BPIFB4: variants seen among roughly 807,000 people sequenced by gnomAD.
BPIFB4 encodes BPI fold-containing family B member 4.
BPIFB4 carries 62 observed loss-of-function variants against 69.2 expected under a neutral mutation model. That is an observed-to-expected ratio of 0.90 (90% CI 0.73 to 1.11). The LOEUF (loss-of-function observed/expected upper bound fraction) is 1.11, where lower values mean the gene tolerates loss of function less well. Among genes scored for constraint, BPIFB4 ranks in the 50% least tolerant of loss-of-function variants. The pLI, the probability that BPIFB4 is intolerant of heterozygous loss-of-function variation, is 0.00. For synonymous variants in BPIFB4, 330 were observed against 332.7 expected (o/e 0.99, Z 0.09); for missense variants, 789 against 792.0 (o/e 1.00, Z 0.04).
intron 9 of BPIFB4, 97 bp downstream of exon 9, chr20:33,089,655 C>T: frequency 6.3e-7 from 1 of 1,588,794 alleles, no homozygotes; most frequent in Non-Finnish European, 8.6e-7. Flanking sequence ...CAGACCTGCC[C>T]TTAGGCCCTT....
chr20:33,104,738 A>T, intron 15 of BPIFB4, 72 bp from the exon 16 acceptor site: 1 of 1,432,770 alleles, frequency 7.0e-7, no homozygotes, highest in Non-Finnish European at 9.8e-7. Flanking sequence ...GAGCCAGGGG[A>T]GCAGACCCAA....
rs555144225 is a variant in BPIFB4 at position 33,111,272 on chromosome 20, GCCTGCATGAC to G, written c.1822-139_1822-130del. ...AATGACCTGGCCAGGTGCTCCTCGG[GCCTGCATGAC>G]CCCTTTATCTCCGCTGTTCAGAGTT... On this transcript the variant is annotated intron_variant, in intron 17 of 17. Transcript: ENST00000375483. 4.5e-3 allele frequency: 4,637 copies of G among 1,039,660 alleles called. 15 individuals are homozygous for G. The highest frequency in any genetic ancestry group is 5.6e-3 in the Non-Finnish European group (3,871 of 691,434). 64.4% of individuals were successfully genotyped at this position (1,039,660 alleles called of 1,614,324 possible). A position where few individuals can be genotyped will look rare whatever the true frequency, so the allele number is the denominator to read the frequency against.
In BPIFB4 at chr20:33,095,099, G is replaced by C; in HGVS notation, c.1345-1G>C. 1 of 1,611,504 alleles carries C rather than the reference G, an allele frequency of 6.2e-7. No homozygotes were observed. Among genetic ancestry groups the C allele is most frequent in the South Asian group, 1.1e-5 (1 of 91,020 alleles). ...ACGTGGCCCTTCTTCTTGTCCTATA[G>C]TTTGAAGAGCTTCCTCCACTTACCA... On this transcript the variant is annotated splice_acceptor_variant, in intron 11 of 17. Transcript: ENST00000375483. LOFTEE classifies it high-confidence loss of function.
At chr20:33,099,606 C>T (rs1981850519) in intron 13 of BPIFB4, among the ~76,000 whole-genome samples, 1 of 152,188 alleles carries the variant, frequency 6.6e-6, no homozygotes, top group Non-Finnish European at 1.5e-5. Context: ...CCAACCTCTT[C>T]CCTGCCTCCT....
chr20:33,109,551 T>C (rs2146418774), intron 17 of BPIFB4, among the ~76,000 whole-genome samples: 1 of 152,288 alleles, frequency 6.6e-6, no homozygotes, highest in African/African-American at 2.4e-5. Flanking sequence ...TGGCTCTCAG[T>C]GGGGCTGTAC....
At chr20:33,092,366 C>G in intron 10 of BPIFB4, 92 bp from the exon 11 acceptor site, 1 of 1,243,196 alleles carries the variant, frequency 8.0e-7, no homozygotes, top group Non-Finnish European at 1.1e-6. Context: ...AAATGGCTGC[C>G]TGGAGGCAGA....
At chr20:33,101,401 C>G (rs1981904938) in intron 14 of BPIFB4, among the ~76,000 whole-genome samples, 1 of 152,152 alleles carries the variant, frequency 6.6e-6, no homozygotes, top group Non-Finnish European at 1.5e-5. Flanking sequence ...TATTGGCCAA[C>G]CAACTTCACT....
At chr20:33,105,000 C>T (rs1191541284) in intron 16 of BPIFB4, 127 bp downstream of exon 16, 7 of 931,512 alleles carry the variant, frequency 7.5e-6, no homozygotes, top group African/African-American at 6.6e-5. Context: ...TCCTTTGAAG[C>T]GTGTCGATGA....
chr20:33,093,790 C>T (rs528955586), intron 11 of BPIFB4, among the ~76,000 whole-genome samples: 1 of 151,988 alleles, frequency 6.6e-6, no homozygotes, highest in African/African-American at 2.4e-5. Context: ...CATCCACCCA[C>T]CCATCCACCC....
At chr20:33,087,198 A>G (rs1253201361) in intron 7 of BPIFB4, among the ~76,000 whole-genome samples, 1 of 152,210 alleles carries the variant, frequency 6.6e-6, no homozygotes, top group African/African-American at 2.4e-5. Context: ...TTGGTATTGC[A>G]TGGTTCACAA....
At chr20:33,104,739 G>A in intron 15 of BPIFB4, 71 bp from the exon 16 acceptor site, 1 of 1,451,294 alleles carries the variant, frequency 6.9e-7, no homozygotes, top group Non-Finnish European at 9.6e-7. Flanking sequence ...AGCCAGGGGA[G>A]CAGACCCAAG....
At chr20:33,088,801 T>C (rs946789623) in intron 7 of BPIFB4, among the ~76,000 whole-genome samples, 165 bp from the exon 8 acceptor site, 1 of 152,192 alleles carries the variant, frequency 6.6e-6, no homozygotes. Flanking sequence ...GCCTGTCTAG[T>C]CAGTCCAAGG....
chr20:33,105,029 G>A (rs1245180758), intron 16 of BPIFB4, among the ~76,000 whole-genome samples, 156 bp downstream of exon 16: 3 of 152,078 alleles, frequency 2.0e-5, no homozygotes, highest in African/African-American at 4.8e-5. Context: ...AAATCCAAAC[G>A]TGGCCCCCAA....
chr20:33,105,346 C>G (rs1982018679), intron 16 of BPIFB4, among the ~76,000 whole-genome samples: 1 of 152,106 alleles, frequency 6.6e-6, no homozygotes. Flanking sequence ...GTGAAAAGTT[C>G]CATTGGCGCA....
chr20:33,081,157 A>G (rs1981217073), intron 2 of BPIFB4, among the ~76,000 whole-genome samples: 1 of 152,174 alleles, frequency 6.6e-6, no homozygotes, highest in African/African-American at 2.4e-5. Flanking sequence ...GATGCTGGAG[A>G]GAGTTCCTTA....
chr20:33,109,719 G>T (rs974291829), intron 17 of BPIFB4, among the ~76,000 whole-genome samples: 1 of 151,958 alleles, frequency 6.6e-6, no homozygotes, highest in Non-Finnish European at 1.5e-5. Context: ...AATTATACTG[G>T]TTTTTGAAAT....
rs769661355 is a variant in BPIFB4, at chr20:33,085,015, G to A, written c.782+19G>A. 84 of 1,606,456 alleles carry A rather than the reference G, an allele frequency of 5.2e-5. No homozygotes were observed. Among genetic ancestry groups the A allele is most frequent in the Non-Finnish European group, 7.0e-5 (82 of 1,178,236 alleles). Reference sequence around the variant, plus strand: ...GGAAGAGGTGCGTGCCCTTGGCCCTGGAGGGGTCCCCACCACCCTATGGCC... The same window carrying A: ...GGAAGAGGTGCGTGCCCTTGGCCCTAGAGGGGTCCCCACCACCCTATGGCC... On this transcript the variant is annotated intron_variant, in intron 6 of 17. Transcript: ENST00000375483.
At chr20:33,087,445 T>C (rs1480119200) in intron 7 of BPIFB4, among the ~76,000 whole-genome samples, 1 of 152,172 alleles carries the variant, frequency 6.6e-6, no homozygotes, top group Non-Finnish European at 1.5e-5. Flanking sequence ...ATTGGGAGAA[T>C]TTTCTGCATC....
chr20:33,098,044 T>C (rs6059079), intron 13 of BPIFB4, among the ~76,000 whole-genome samples: 94,356 of 152,002 alleles, frequency 0.62, 30,040 homozygotes, highest in African/African-American at 0.72. Context: ...TGGCATTTCC[T>C]TCTGAGCCCC....
Sources: allele counts gnomAD v4.1 joint callset (sites outside exome capture counted in the v4.1 genomes callset), GRCh38; gene constraint gnomAD v4.1.1; transcripts MANE v1.5; gene names NCBI Gene and HGNC (gene_info 2026-07-23, HGNC 2026-07-21).